Variants in SLC35F3 observed in about 807,000 individuals in gnomAD.
SLC35F3 encodes putative thiamine transporter SLC35F3.
SLC35F3 carries 25 observed loss-of-function variants against 49.9 expected under a neutral mutation model. The observed-to-expected ratio is 0.50, with a 90% CI of 0.37 to 0.70. SLC35F3 has a LOEUF of 0.70. Among genes scored for constraint, SLC35F3 ranks in the 30% least tolerant of loss-of-function variants. The probability of loss-of-function intolerance (pLI) is 0.00; values close to 1 mark genes in which losing one functional copy is unlikely to be tolerated. For synonymous variants in SLC35F3, 275 were observed against 265.4 expected (o/e 1.04, Z -0.35); for missense variants, 525 against 639.8 (o/e 0.82, Z 1.94).
intron 2 of SLC35F3, among the ~76,000 whole-genome samples, chr1:233,922,173 G>C (rs1662073885): frequency 6.6e-6 from 1 of 152,180 alleles, no homozygotes; most frequent in Admixed American, 6.5e-5. Context: ...TGGGATGGCT[G>C]GGTCAAATGG....
chr1:234,066,986 C>CT (rs1664631692), intron 2 of SLC35F3, among the ~76,000 whole-genome samples: 1 of 152,180 alleles, frequency 6.6e-6, no homozygotes, highest in Non-Finnish European at 1.5e-5. Flanking sequence ...AAGCTAGTCA[C>CT]TTAAAGGATC....
At chr1:234,055,204 TC>T (rs1664438882) in intron 2 of SLC35F3, among the ~76,000 whole-genome samples, 1 of 152,202 alleles carries the variant, frequency 6.6e-6, no homozygotes, top group Non-Finnish European at 1.5e-5. Flanking sequence ...TGCAGAAGTT[TC>T]TGTTGCCTTT....
rs1318873538 is a variant in SLC35F3, at chr1:234,324,337, A to G, written c.*1094A>G. 6.6e-6 allele frequency: 1 copy of G among 152,232 alleles called. No individual in the cohort carries two copies. Among genetic ancestry groups the G allele is most frequent in the African/African-American group, 2.4e-5 (1 of 41,464 alleles). The allele number at this position is 152,232 out of a possible 1,614,324, so 9.4% of individuals were successfully genotyped here. A position where few individuals can be genotyped will look rare whatever the true frequency, so the allele number is the denominator to read the frequency against. ...TTGAAGTTTACATTGTTACATATGA[A>G]ATGGAAACATTATTTTGAAACGTTG... On this transcript the variant is annotated 3_prime_UTR_variant, in exon 8 of 8. Coordinates refer to ENST00000366618, the MANE Select transcript of SLC35F3 (RefSeq NM_173508.4).
chr1:234,277,405 T>C (rs1315268624), intron 3 of SLC35F3, among the ~76,000 whole-genome samples: 1 of 152,258 alleles, frequency 6.6e-6, no homozygotes, highest in African/African-American at 2.4e-5. Flanking sequence ...AACAGCCGTG[T>C]GCTATAGCCA....
At chr1:234,126,592 T>C (rs1665651799) in intron 2 of SLC35F3, among the ~76,000 whole-genome samples, 1 of 151,892 alleles carries the variant, frequency 6.6e-6, no homozygotes, top group East Asian at 1.9e-4. Context: ...TCTTGCCCTT[T>C]CATAAGTGCA....
chr1:233,976,907 G>A (rs552833439), intron 2 of SLC35F3, among the ~76,000 whole-genome samples: 111 of 152,244 alleles, frequency 7.3e-4, no homozygotes, highest in Non-Finnish European at 1.2e-3. Flanking sequence ...CACCATGCCC[G>A]GCTGGTACTC....
rs150831656 is a variant in SLC35F3 at position 233,992,707 on chromosome 1, C to T, written c.283+86949C>T. ...TTTGGTGAGACAAACACACTATATC[C>T]AAACCATAGCACCATTGTTAACAAT... On this transcript the variant is annotated intron_variant, in intron 2 of 7. Transcript: ENST00000366618. 3.3e-5 allele frequency among the ~76,000 whole-genome samples: 5 copies of T among 152,280 alleles called. No homozygotes were observed. The East Asian group carries it at 9.7e-4, about 29-fold the overall frequency.
chr1:234,266,982 A>T (rs1388424306), intron 3 of SLC35F3, among the ~76,000 whole-genome samples: 1 of 139,066 alleles, frequency 7.2e-6, no homozygotes, highest in African/African-American at 2.7e-5. Context: ...CAGATAAACA[A>T]GTGAACAAAG....
rs910322913 is a variant in SLC35F3 at position 234,018,866 on chromosome 1, C to T, written c.283+113108C>T. Among the ~76,000 whole-genome samples the T allele has an allele frequency of 4.6e-5, 7 of 152,300 alleles. No homozygotes were observed. In the South Asian group the frequency reaches 6.2e-4, roughly 14 times the overall value. ...ATTTGTTTAAGCATCTATTTTCTTT[C>T]GCTCTAATATAATTTTTTGGTTGGG... On this transcript the variant is annotated intron_variant, in intron 2 of 7. Transcript: ENST00000366618.
chr1:234,076,660 C>A (rs996502270), intron 2 of SLC35F3, among the ~76,000 whole-genome samples: 2 of 151,982 alleles, frequency 1.3e-5, no homozygotes, highest in Admixed American at 6.5e-5. Context: ...GGGGTTTCAC[C>A]ATGTTGGCCA....
intron 2 of SLC35F3, among the ~76,000 whole-genome samples, chr1:234,210,873 A>C (rs1667037392): frequency 6.6e-6 from 1 of 152,216 alleles, no homozygotes; most frequent in Admixed American, 6.5e-5. Flanking sequence ...TCACCAAGAC[A>C]ATGGGGAAAA....
intron 2 of SLC35F3, among the ~76,000 whole-genome samples, chr1:234,229,679 G>A (rs1040069086): frequency 1.6e-4 from 25 of 152,038 alleles, no homozygotes; most frequent in Admixed American, 3.3e-4. Context: ...ATCTTTTCAG[G>A]ATGAGTTTTT....
chr1:234,143,288 C>CTTTTTTTTT (rs1352256091), intron 2 of SLC35F3, among the ~76,000 whole-genome samples: 5 of 123,530 alleles, frequency 4.0e-5, no homozygotes, highest in African/African-American at 1.1e-4. Context: ...CTTTTCTTTT[C>CTTTTTTTTT]TTTTTTTTTT....
Position 234,214,478 on chromosome 1 carries a change from C to T in SLC35F3, c.284-16939C>T, listed in dbSNP as rs2102941633. On this transcript the variant is annotated intron_variant, in intron 2 of 7. Transcript: ENST00000366618. This position sits in a 1 kb window ranked among gnomAD's most constrained non-coding sequence, Gnocchi z 8.0. ...GATGTAGGCGATCGGCGGCAGCGCTCCTGCAGGCGGCCGGCTCATCATGAA... is the reference window on the plus strand; with the variant it reads ...GATGTAGGCGATCGGCGGCAGCGCTTCTGCAGGCGGCCGGCTCATCATGAA... The T allele has an allele frequency of 6.6e-7, 1 of 1,522,752 alleles. No individual in the cohort carries two copies. Among genetic ancestry groups the T allele is most frequent in the Middle Eastern group, 1.7e-4 (1 of 5,846 alleles). The allele number at this position is 1,522,752 out of a possible 1,614,324, so 94.3% of individuals were successfully genotyped here. A position where few individuals can be genotyped will look rare whatever the true frequency, so the allele number is the denominator to read the frequency against.
At chr1:234,078,389 C>T (rs1003246706) in intron 2 of SLC35F3, among the ~76,000 whole-genome samples, 1 of 152,130 alleles carries the variant, frequency 6.6e-6, no homozygotes, top group Non-Finnish European at 1.5e-5. Flanking sequence ...GGCTTCTGGG[C>T]ATGTTATTCC....
intron 3 of SLC35F3, among the ~76,000 whole-genome samples, chr1:234,289,169 G>A (rs919953972): frequency 6.6e-6 from 1 of 152,126 alleles, no homozygotes; most frequent in African/African-American, 2.4e-5. Context: ...ACCCCCCTGG[G>A]GTCCTGGGGC....
chr1:234,048,561 A>G (rs1020644692), intron 2 of SLC35F3, among the ~76,000 whole-genome samples: 5 of 152,212 alleles, frequency 3.3e-5, no homozygotes, highest in Admixed American at 6.5e-5. Flanking sequence ...CCATGGGATC[A>G]TGGGTCAAAA....
chr1:234,160,071 T>G (rs1054205218), intron 2 of SLC35F3, among the ~76,000 whole-genome samples: 1 of 152,172 alleles, frequency 6.6e-6, no homozygotes, highest in Non-Finnish European at 1.5e-5. Context: ...TTGATAGGAT[T>G]TGGATTCAAG....
intron 2 of SLC35F3, among the ~76,000 whole-genome samples, chr1:234,012,566 T>TCC (rs1663740493): frequency 1.3e-5 from 2 of 152,238 alleles, no homozygotes; most frequent in Non-Finnish European, 2.9e-5. Context: ...TGATGACTTT[T>TCC]ACCAAGCATA....
Sources: allele counts gnomAD v4.1 joint callset (sites outside exome capture counted in the v4.1 genomes callset), GRCh38; gene constraint gnomAD v4.1.1; non-coding constraint Gnocchi (gnomAD v3.1); transcripts MANE v1.5; gene names NCBI Gene and HGNC (gene_info 2026-07-23, HGNC 2026-07-21).